The following SOX5 variants were observed in gnomAD, a reference collection of about 807,000 sequenced individuals.
SOX5 encodes the protein transcription factor SOX-5.
A neutral mutation model predicts 92.0 loss-of-function variants in SOX5; 9 were observed. That is an observed-to-expected ratio of 0.10 (90% CI 0.06 to 0.17). The LOEUF (loss-of-function observed/expected upper bound fraction) is 0.17, where lower values mean the gene tolerates loss of function less well. Ranked by LOEUF, SOX5 falls within the 10% of genes least tolerant of loss-of-function variation. The pLI, the probability that SOX5 is intolerant of heterozygous loss-of-function variation, is 1.00. For synonymous variants in SOX5, 344 were observed against 336.3 expected, an observed-to-expected ratio of 1.02 and a Z score of -0.25; for missense variants, 642 against 944.5, an observed-to-expected ratio of 0.68 and a Z score of 4.20.
chr12:23,663,452 G>C (rs576284618), intron 7 of SOX5, among the ~76,000 whole-genome samples: 1 of 152,076 alleles, frequency 6.6e-6, no homozygotes, highest in Non-Finnish European at 1.5e-5. Flanking sequence ...CCTTTTCCAG[G>C]CCTACGGTTA....
intron 3 of SOX5, among the ~76,000 whole-genome samples, chr12:24,244,664 G>A (rs990255564): frequency 2.0e-5 from 3 of 152,088 alleles, no homozygotes; most frequent in African/African-American, 7.2e-5. Flanking sequence ...CACAGTGCCT[G>A]GGGCAGTGTA....
chr12:23,813,406 C>A (rs2095915714), intron 3 of SOX5, among the ~76,000 whole-genome samples: 1 of 152,042 alleles, frequency 6.6e-6, no homozygotes, highest in Non-Finnish European at 1.5e-5. Context: ...CTCAGGGACA[C>A]CCAGAGAAGA....
intron 3 of SOX5, among the ~76,000 whole-genome samples, chr12:23,791,775 T>C (rs111961776): frequency 0.013 from 1,952 of 152,196 alleles, 52 homozygotes; most frequent in African/African-American, 0.044. Context: ...TGTGGTTCTT[T>C]AAACATAGTT....
chr12:24,285,737 G>C (rs1337477706), intron 2 of SOX5, among the ~76,000 whole-genome samples: 1 of 152,138 alleles, frequency 6.6e-6, no homozygotes, highest in Non-Finnish European at 1.5e-5. Flanking sequence ...CCAGTGTTAG[G>C]AATAAACACA....
At chr12:24,194,395 A>G (rs912793037) in intron 4 of SOX5, among the ~76,000 whole-genome samples, 3 of 151,974 alleles carry the variant, frequency 2.0e-5, no homozygotes, top group African/African-American at 7.3e-5. Context: ...GTATCTATCT[A>G]TCTATCTAGA....
chr12:24,017,002 T>C (rs1327882046), intron 4 of SOX5, among the ~76,000 whole-genome samples: 1 of 152,170 alleles, frequency 6.6e-6, no homozygotes, highest in African/African-American at 2.4e-5. Context: ...TGTAATATAG[T>C]CGGTGGAAAT....
At chr12:23,973,448 G>A (rs1055721008) in intron 4 of SOX5, among the ~76,000 whole-genome samples, 3 of 152,078 alleles carry the variant, frequency 2.0e-5, no homozygotes, top group East Asian at 1.9e-4. Context: ...TGTGAGCTGC[G>A]GTGCCCAGCC....
chr12:23,864,777 T>A (rs1184639009), intron 2 of SOX5, among the ~76,000 whole-genome samples: 1 of 152,122 alleles, frequency 6.6e-6, no homozygotes, highest in East Asian at 1.9e-4. Flanking sequence ...AAGATAATAA[T>A]GCAAAGTGAA....
chr12:24,537,930 CCA>C (rs1206615773), intron 1 of SOX5, among the ~76,000 whole-genome samples: 2 of 152,150 alleles, frequency 1.3e-5, no homozygotes, highest in Non-Finnish European at 2.9e-5. Context: ...TGGTACTTTT[CCA>C]CAGTTACATT....
intron 1 of SOX5, among the ~76,000 whole-genome samples, chr12:23,942,218 C>T (rs998312041): frequency 3.3e-5 from 5 of 151,674 alleles, no homozygotes; most frequent in Admixed American, 6.6e-5. Context: ...TTTTCAGTGT[C>T]GTATTTCTTT....
intron 3 of SOX5, among the ~76,000 whole-genome samples, chr12:23,838,847 G>C (rs12826902): frequency 0.013 from 767 of 58,388 alleles, 4 homozygotes; most frequent in Middle Eastern, 0.024. Flanking sequence ...TTTTTTTGGG[G>C]GGGGGGGGCG....
At chr12:23,842,305 T>C (rs1053562725) in intron 3 of SOX5, among the ~76,000 whole-genome samples, 29 of 152,096 alleles carry the variant, frequency 1.9e-4, no homozygotes, top group African/African-American at 6.3e-4. Flanking sequence ...GGTGGAAATG[T>C]ACAGATCAGT....
chr12:24,041,753 G>C (rs1011279892), intron 4 of SOX5, among the ~76,000 whole-genome samples: 3 of 152,038 alleles, frequency 2.0e-5, no homozygotes, highest in Non-Finnish European at 4.4e-5. Flanking sequence ...AGGAAGTCTA[G>C]ATAAAAAGTA....
At chr12:23,737,421 T>C (rs767359173) in intron 5 of SOX5, among the ~76,000 whole-genome samples, 8 of 152,072 alleles carry the variant, frequency 5.3e-5, no homozygotes, top group Admixed American at 3.3e-4. Flanking sequence ...GCACCTGTAA[T>C]CCCAGCTACT....
In SOX5 at chr12:23,859,950, G is replaced by T. The variant is rs565722565; in HGVS notation, c.271-13757C>A. On this transcript the variant is annotated intron_variant, in intron 2 of 14. Transcript: ENST00000451604. ...GAAAATGTGGCACAAATATACCATA[G>T]AATATTATGCAGCCATAACAAAGAA... Among the ~76,000 whole-genome samples, 131 of 152,274 alleles carry T rather than the reference G, an allele frequency of 8.6e-4. 2 individuals are homozygous for T. The highest frequency in any genetic ancestry group is 3.2e-3 in the African/African-American group (131 of 41,558).
intron 4 of SOX5, among the ~76,000 whole-genome samples, chr12:23,997,053 A>G (rs1351312123): frequency 6.6e-6 from 1 of 152,230 alleles, no homozygotes; most frequent in Non-Finnish European, 1.5e-5. Context: ...CTCACAAAGC[A>G]AAGACAAAGC....
At chr12:23,801,685 T>A (rs1327737769) in intron 3 of SOX5, among the ~76,000 whole-genome samples, 1 of 152,184 alleles carries the variant, frequency 6.6e-6, no homozygotes, top group Non-Finnish European at 1.5e-5. Flanking sequence ...AATACTAAAA[T>A]CTATTTAATT....
intron 1 of SOX5, among the ~76,000 whole-genome samples, chr12:24,449,179 A>G (rs61910420): frequency 0.096 from 14,563 of 152,222 alleles, 868 homozygotes; most frequent in South Asian, 0.16. Context: ...CACAGTCTAC[A>G]ACCTCCTTAC....
At chr12:24,432,797 C>A (rs762438792) in intron 1 of SOX5, among the ~76,000 whole-genome samples, 3 of 151,732 alleles carry the variant, frequency 2.0e-5, no homozygotes, top group African/African-American at 7.3e-5. Flanking sequence ...GGTGACAGAG[C>A]GAGACTGTCT....
Sources: allele counts gnomAD v4.1 joint callset (sites outside exome capture counted in the v4.1 genomes callset), GRCh38; gene constraint gnomAD v4.1.1; transcripts MANE v1.5; gene names NCBI Gene and HGNC (gene_info 2026-07-23, HGNC 2026-07-21).